The following GTF2F2 variants were observed in gnomAD, a reference collection of about 807,000 sequenced individuals.
GTF2F2 encodes the protein general transcription factor IIF subunit 2.
GTF2F2 carries 23 observed loss-of-function variants against 42.2 expected under a neutral mutation model. The ratio of observed to expected loss-of-function variants is 0.55; its 90% confidence interval spans 0.39 to 0.77. The LOEUF (loss-of-function observed/expected upper bound fraction) is 0.77. Ranked by LOEUF, GTF2F2 falls within the 30% of genes least tolerant of loss-of-function variation. GTF2F2 has a pLI of 0.00. For synonymous variants in GTF2F2, 105 were observed against 100.8 expected (o/e 1.04, Z -0.25); for missense variants, 261 against 287.2 (o/e 0.91, Z 0.66).
At chr13:45,158,438 TG>T (rs1466907424) in intron 4 of GTF2F2, among the ~76,000 whole-genome samples, 2 of 152,192 alleles carry the variant, frequency 1.3e-5, no homozygotes, top group Non-Finnish European at 1.5e-5. Flanking sequence ...TTATCAGCAG[TG>T]TGAAAACAGA....
At chr13:45,123,661 C>T (rs190690459) in intron 1 of GTF2F2, among the ~76,000 whole-genome samples, 45 of 150,674 alleles carry the variant, frequency 3.0e-4, no homozygotes, top group Middle Eastern at 3.4e-3. Flanking sequence ...CCAAAACCTA[C>T]GGGCAGGACT....
chr13:45,157,359 T>C (rs1293485044), intron 4 of GTF2F2, among the ~76,000 whole-genome samples: 1 of 152,196 alleles, frequency 6.6e-6, no homozygotes. Flanking sequence ...AAAAGTATTT[T>C]GGATTTTACT....
chr13:45,142,091 G>C (rs1869954294), intron 2 of GTF2F2, among the ~76,000 whole-genome samples: 1 of 152,188 alleles, frequency 6.6e-6, no homozygotes, highest in Non-Finnish European at 1.5e-5. Flanking sequence ...TCTTTTGAAA[G>C]TAAAACCTCA....
intron 5 of GTF2F2, among the ~76,000 whole-genome samples, chr13:45,232,747 C>G (rs1451839844): frequency 5.9e-5 from 9 of 152,158 alleles, no homozygotes; most frequent in African/African-American, 1.9e-4. Flanking sequence ...TCCCTTCTAC[C>G]CACCCACCAT....
chr13:45,231,028 T>C (rs1240681922), intron 5 of GTF2F2, among the ~76,000 whole-genome samples: 2 of 152,036 alleles, frequency 1.3e-5, no homozygotes, highest in African/African-American at 4.8e-5. Flanking sequence ...TTGTTTGTCA[T>C]TGTATCACAG....
intron 4 of GTF2F2, among the ~76,000 whole-genome samples, chr13:45,153,011 ATT>A (rs374461737): frequency 1.3e-3 from 190 of 141,642 alleles, no homozygotes; most frequent in African/African-American, 3.9e-3. Flanking sequence ...ATCCTCGTAA[ATT>A]TTTTTTTTTT....
chr13:45,172,717 C>G (rs559620831), intron 4 of GTF2F2, among the ~76,000 whole-genome samples: 6 of 152,122 alleles, frequency 3.9e-5, no homozygotes, highest in African/African-American at 7.2e-5. Flanking sequence ...TATTTTTTCC[C>G]CATTGAATTC....
chr13:45,188,519 A>T (rs1872513263), intron 4 of GTF2F2, among the ~76,000 whole-genome samples: 1 of 152,212 alleles, frequency 6.6e-6, no homozygotes, highest in Non-Finnish European at 1.5e-5. Flanking sequence ...TTTTTACTGG[A>T]CAAGATAATA....
intron 1 of GTF2F2, among the ~76,000 whole-genome samples, chr13:45,130,697 CTGAG>C (rs1869299861): frequency 6.6e-6 from 1 of 151,996 alleles, no homozygotes; most frequent in African/African-American, 2.4e-5. Flanking sequence ...AGGTTTCAGC[CTGAG>C]TGTTTGGAAG....
rs146887644 is a variant in GTF2F2 at position 45,181,581 on chromosome 13, A to G, written c.305-25843A>G. Among the ~76,000 whole-genome samples the G allele has an allele frequency of 2.6e-4, 39 of 152,320 alleles. 1 individual carries two copies. The East Asian group carries it at 4.0e-3, about 16-fold the overall frequency. On this transcript the variant is annotated intron_variant, in intron 4 of 7. Coordinates refer to ENST00000340473, the MANE Select transcript of GTF2F2 (RefSeq NM_004128.3). ...TATAAAGCTGTATAATACAAAAACA[A>G]TTAGTATGTATTTAGAAGTAAATAT...
chr13:45,230,884 G>T (rs908513509), intron 5 of GTF2F2, among the ~76,000 whole-genome samples: 2 of 151,960 alleles, frequency 1.3e-5, no homozygotes, highest in African/African-American at 4.8e-5. Flanking sequence ...AGACAGAAGT[G>T]TTTAAGTTTG....
chr13:45,191,438 T>G (rs1188751566), intron 4 of GTF2F2, among the ~76,000 whole-genome samples: 1 of 151,450 alleles, frequency 6.6e-6, no homozygotes, highest in Admixed American at 6.6e-5. Context: ...GAGAAAAAAT[T>G]TGAGAAATAA....
At chr13:45,166,380 C>G (rs188861214) in intron 4 of GTF2F2, among the ~76,000 whole-genome samples, 10 of 152,296 alleles carry the variant, frequency 6.6e-5, no homozygotes, top group Admixed American at 3.9e-4. Flanking sequence ...TGCACTTCGT[C>G]AAGTCATTCA....
intron 5 of GTF2F2, among the ~76,000 whole-genome samples, chr13:45,243,621 G>GT (rs563908015): frequency 5.1e-4 from 78 of 151,824 alleles, no homozygotes; most frequent in African/African-American, 1.4e-3. Context: ...TGGTTTTACT[G>GT]TTTTTTTTTA....
At chr13:45,161,851 A>G (rs1252671191) in intron 4 of GTF2F2, among the ~76,000 whole-genome samples, 1 of 152,172 alleles carries the variant, frequency 6.6e-6, no homozygotes, top group African/African-American at 2.4e-5. Context: ...CTCAAAAAGA[A>G]AAAATGAATA....
At chr13:45,126,446 TTCACCATG>T (rs1305447991) in intron 1 of GTF2F2, among the ~76,000 whole-genome samples, 2 of 152,094 alleles carry the variant, frequency 1.3e-5, no homozygotes, top group Non-Finnish European at 2.9e-5. Flanking sequence ...GAGACGGGGT[TTCACCATG>T]TTAGCCAGGA....
In GTF2F2 at chr13:45,211,610, G is replaced by A. The variant is rs185358944; in HGVS notation, c.386+4105G>A. Reference sequence around the variant, plus strand: ...AATTTTTTTTTTTTTTTTGAGAGACGGAGTTTTGCTCTCGTTGCCCAGGCT... The same window carrying A: ...AATTTTTTTTTTTTTTTTGAGAGACAGAGTTTTGCTCTCGTTGCCCAGGCT... On this transcript the variant is annotated intron_variant, in intron 5 of 7. Transcript: ENST00000340473. Among the ~76,000 whole-genome samples, 553 of 145,528 alleles carry A rather than the reference G, an allele frequency of 3.8e-3. 7 individuals carry two copies. Among genetic ancestry groups the A allele is most frequent in the Middle Eastern group, 0.011 (3 of 268 alleles).
At chr13:45,233,408 G>C (rs1161668019) in intron 5 of GTF2F2, among the ~76,000 whole-genome samples, 1 of 152,178 alleles carries the variant, frequency 6.6e-6, no homozygotes, top group Non-Finnish European at 1.5e-5. Context: ...ATGGGCACGT[G>C]TTCATTCCGA....
chr13:45,144,518 T>C (rs1479418901), intron 2 of GTF2F2, among the ~76,000 whole-genome samples: 1 of 138,522 alleles, frequency 7.2e-6, no homozygotes, highest in African/African-American at 2.7e-5. Context: ...TGGAGTGCAG[T>C]GGCGCGATCT....
Sources: allele counts gnomAD v4.1 joint callset (sites outside exome capture counted in the v4.1 genomes callset), GRCh38; gene constraint gnomAD v4.1.1; transcripts MANE v1.5; gene names NCBI Gene and HGNC (gene_info 2026-07-23, HGNC 2026-07-21).